NUP155: variants seen among roughly 807,000 people sequenced by gnomAD.
The protein encoded by NUP155 is nucleoporin 155.
In NUP155, 71 loss-of-function variants were observed where a neutral mutation model predicts 180.4. The ratio of observed to expected loss-of-function variants is 0.39; its 90% confidence interval spans 0.33 to 0.48. NUP155 has a LOEUF of 0.48. NUP155 is among the 20% of genes least tolerant of loss of function. NUP155 has a pLI of 0.91. For synonymous variants in NUP155, 582 were observed against 559.5 expected (o/e 1.04, Z -0.57); for missense variants, 1,553 against 1,648.9 (o/e 0.94, Z 1.01).
intron 19 of NUP155, among the ~76,000 whole-genome samples, chr5:37,325,166 G>A (rs1744506899): frequency 6.6e-6 from 1 of 152,020 alleles, no homozygotes; most frequent in Admixed American, 6.6e-5. Context: ...CTCCAGCTTG[G>A]GCAACAAGAG....
chr5:37,340,861 T>C (rs1202024058), intron 11 of NUP155, among the ~76,000 whole-genome samples: 1 of 152,196 alleles, frequency 6.6e-6, no homozygotes, highest in Non-Finnish European at 1.5e-5. Context: ...GTTACTTGCG[T>C]ATATTGCGTG....
At chr5:37,311,121 C>T (rs1384634843) in intron 22 of NUP155, among the ~76,000 whole-genome samples, 2 of 152,096 alleles carry the variant, frequency 1.3e-5, no homozygotes, top group South Asian at 4.1e-4. Flanking sequence ...TTATTCTAGG[C>T]CTTATAATAA....
intron 14 of NUP155, among the ~76,000 whole-genome samples, chr5:37,331,148 C>CA (rs543141869): frequency 0.24 from 32,117 of 133,358 alleles, 5,109 homozygotes; most frequent in African/African-American, 0.48. Flanking sequence ...GACTCTGTCT[C>CA]AAAAAAAAAA....
chr5:37,330,168 T>C lies in NUP155; in HGVS notation c.1630-36A>G, dbSNP rs149788309. 163 of 1,442,468 alleles carry C rather than the reference T, an allele frequency of 1.1e-4. No individual in the cohort carries two copies. The East Asian group carries it at 2.0e-3, about 17-fold the overall frequency. 89.4% of individuals were successfully genotyped at this position (1,442,468 alleles called of 1,614,324 possible). On this transcript the variant is annotated intron_variant, in intron 14 of 34. Coordinates refer to ENST00000231498, the MANE Select transcript of NUP155 (RefSeq NM_153485.3). The stretch of plus-strand genomic sequence containing the variant: ...AGAGGAATATTGGCCTTATATTAAA[T>C]ACAAATTTTAAAATGATTTGTGTAC...
chr5:37,295,948 A>C (rs1742529096), intron 32 of NUP155, among the ~76,000 whole-genome samples: 2 of 128,808 alleles, frequency 1.6e-5, no homozygotes, highest in Admixed American at 7.4e-5. Context: ...GGCCGCCCCT[A>C]CTGGGAAGTG....
intron 9 of NUP155, among the ~76,000 whole-genome samples, chr5:37,345,874 A>G (rs1008282167): frequency 6.7e-6 from 1 of 149,944 alleles, no homozygotes; most frequent in Non-Finnish European, 1.5e-5. Flanking sequence ...ACTGCACTCC[A>G]GCCTGGGTGA....
At position 37,370,856 on chromosome 5, in the gene NUP155, G is replaced by A; in HGVS notation, c.122C>T (p.Pro41Leu). 3 of 1,614,168 alleles carry A rather than the reference G, an allele frequency of 1.9e-6. No homozygotes were observed. Among genetic ancestry groups the A allele is most frequent in the Non-Finnish European group, 2.5e-6 (3 of 1,180,018 alleles). ...CACCATAAGCAGCTCGGAAAGGTCCGGGTACATGCGGTCCTCTTGCAACTG... is the reference window on the plus strand; with the variant it reads ...CACCATAAGCAGCTCGGAAAGGTCCAGGTACATGCGGTCCTCTTGCAACTG... ...DRQLQEDRMY[P>L]DLSELLMVSA... Residue 41 changes from proline (P) to leucine (L), a missense_variant, in exon 1 of 35, where the codon CCG becomes CTG. Physicochemically the swap from Pro to Leu is moderately conservative, Grantham distance 98. Transcript: ENST00000231498.
At chr5:37,305,731 G>GCCCC in intron 25 of NUP155, among the ~76,000 whole-genome samples, 1 of 151,702 alleles carries the variant, frequency 6.6e-6, no homozygotes, top group Admixed American at 6.6e-5. Flanking sequence ...AATTAACCAG[G>GCCCC]CGTGGCGGTG....
chr5:37,357,949 C>T (rs1267780113), intron 4 of NUP155, 132 bp downstream of exon 4: 7 of 657,382 alleles, frequency 1.1e-5, no homozygotes, highest in South Asian at 4.5e-5. Flanking sequence ...GCCAAGATTG[C>T]GCCACTGCAC....
chr5:37,356,604 C>A (rs896754195), intron 4 of NUP155, among the ~76,000 whole-genome samples: 20 of 152,124 alleles, frequency 1.3e-4, no homozygotes, highest in African/African-American at 4.1e-4. Context: ...GGCTAAACTG[C>A]ACTCTAGCCT....
chr5:37,301,472 A>G lies in NUP155; in HGVS notation c.3526T>C (p.Ser1176Pro). ...SHHSSVQDAV[S>P]QLDSELMDIT... ...TCCATCAGCTCAGAATCCAGCTGAG[A>G]AACTGCATCCTGTACAGAAGAATGA... is the stretch of plus-strand genomic sequence containing the variant. The change falls in exon 30 of 35, where the codon TCT becomes CCT. Residue 1176 changes from serine (S) to proline (P), a missense_variant. Ser to Pro is a moderately conservative substitution (Grantham distance 74). Coordinates refer to ENST00000231498, the MANE Select transcript of NUP155 (RefSeq NM_153485.3). 1 of 1,613,478 alleles carries G rather than the reference A, an allele frequency of 6.2e-7. No individual in the cohort carries two copies. The highest frequency in any genetic ancestry group is 1.1e-5 in the South Asian group (1 of 91,072).
rs763456876 is a variant in NUP155 at position 37,317,937 on chromosome 5, A to G, written c.2305+51T>C. 7.3e-5 allele frequency: 70 copies of G among 958,732 alleles called. No individual in the cohort carries two copies. The Admixed American group carries it at 1.2e-3, about 16-fold the overall frequency. 59.4% of individuals were successfully genotyped at this position (958,732 alleles called of 1,614,324 possible). On this transcript the variant is annotated intron_variant, in intron 21 of 34. Coordinates refer to ENST00000231498, the MANE Select transcript of NUP155 (RefSeq NM_153485.3). The stretch of plus-strand genomic sequence containing the variant: ...GTCCATTGTTTTCTATTCAAGTAAT[A>G]AAATTTTACTGAGGTCATGTACGCT...
intron 12 of NUP155, among the ~76,000 whole-genome samples, chr5:37,335,422 T>C (rs1745265153): frequency 6.6e-6 from 1 of 151,284 alleles, no homozygotes; most frequent in Admixed American, 6.6e-5. Context: ...TAAAATACTT[T>C]ATAATAAAAA....
At position 37,337,890 on chromosome 5, in the gene NUP155, A is replaced by G; in HGVS notation, c.1275T>C (p.Asn425=). ...CACACCATAAAATATCATTATCCTC[A>G]TTTTCTGAGGCTGCCATCAATAGAA... ...KGILLMAASE[N]EDNDILWCVN... Residue 425 remains asparagine, a synonymous_variant, in exon 12 of 35, where the codon AAT becomes AAC. Transcript: ENST00000231498. 6.2e-7 allele frequency: 1 copy of G among 1,609,566 alleles called. No individual in the cohort carries two copies. The highest frequency in any genetic ancestry group is 2.2e-5 in the East Asian group (1 of 44,770).
chr5:37,314,694 G>A (rs1485379507), intron 21 of NUP155, among the ~76,000 whole-genome samples: 1 of 152,140 alleles, frequency 6.6e-6, no homozygotes, highest in African/African-American at 2.4e-5. Flanking sequence ...AAAATTAGCT[G>A]GTGGGGGGGA....
intron 11 of NUP155, among the ~76,000 whole-genome samples, chr5:37,338,492 C>T (rs1415877552): frequency 2.7e-4 from 40 of 150,754 alleles, no homozygotes; most frequent in African/African-American, 9.2e-4. Context: ...CTGCAAGCTC[C>T]GCCTCCTGGG....
At position 37,329,117 on chromosome 5, in the gene NUP155, T is replaced by A. The variant is rs886413072; in HGVS notation, c.1813+73A>T. The A allele has an allele frequency of 3.9e-6, 4 of 1,028,230 alleles. No individual in the cohort carries two copies. The African/African-American group carries it at 6.3e-5, about 16-fold the overall frequency. The allele number at this position is 1,028,230 out of a possible 1,614,324, so 63.7% of individuals were successfully genotyped here. A position where few individuals can be genotyped will look rare whatever the true frequency, so the allele number is the denominator to read the frequency against. On this transcript the variant is annotated intron_variant, in intron 16 of 34. Coordinates refer to ENST00000231498, the MANE Select transcript of NUP155 (RefSeq NM_153485.3). The stretch of plus-strand genomic sequence containing the variant: ...AATAAAACATAATGAAAAGGCTTAT[T>A]GATAAAAATTGCTATAAAGGTTCTA...
In NUP155 at chr5:37,291,992, C is replaced by G; in HGVS notation, c.4084G>C (p.Val1362Leu). 6.2e-7 allele frequency: 1 copy of G among 1,614,072 alleles called. No individual in the cohort carries two copies. Among genetic ancestry groups the G allele is most frequent in the Non-Finnish European group, 8.5e-7 (1 of 1,179,990 alleles). Residue 1362 changes from valine to leucine, a missense_variant, in exon 35 of 35, where the codon GTT becomes CTT. Physicochemically the swap from Val to Leu is conservative, Grantham distance 32 (BLOSUM62 1). Coordinates refer to ENST00000231498, the MANE Select transcript of NUP155 (RefSeq NM_153485.3). Reference protein sequence around the residue: ...LCLDAVCGYLVELQSMSSSVA... With the variant: ...LCLDAVCGYLLELQSMSSSVA... The stretch of plus-strand genomic sequence containing the variant: ...GACGAGCTCATAGACTGGAGCTCAA[C>G]AAGGTAACCACAAACAGCATCCAGG...
intron 9 of NUP155, among the ~76,000 whole-genome samples, chr5:37,344,177 T>TA (rs1034904685): frequency 3.2e-4 from 49 of 151,486 alleles, no homozygotes; most frequent in African/African-American, 1.0e-3. Context: ...CCATCTCTAC[T>TA]AAAAAATATA....
Sources: gnomAD v4.1 joint callset for allele counts (sites outside exome capture counted in the v4.1 genomes callset) on GRCh38, gnomAD v4.1.1 for gene constraint, MANE v1.5 for transcripts, NCBI Gene and HGNC (gene_info 2026-07-23, HGNC 2026-07-21) for gene names.